Variants in CAB39 observed in about 807,000 individuals in gnomAD.
CAB39 encodes calcium-binding protein 39.
In CAB39, 8 loss-of-function variants were observed where a neutral mutation model predicts 40.0. The ratio of observed to expected loss-of-function variants is 0.20; its 90% CI spans 0.12 to 0.36. The LOEUF (loss-of-function observed/expected upper bound fraction) is 0.36, where lower values mean the gene tolerates loss of function less well. Among genes scored for constraint, CAB39 ranks in the 10% least tolerant of loss-of-function variants. CAB39 has a pLI of 1.00. For missense variants in CAB39, 270 were observed against 401.1 expected (o/e 0.67, Z 2.79); for synonymous variants, 156 against 141.6 (o/e 1.10, Z -0.72).
chr2:230,795,233 GC>G (rs1429277474), intron 4 of CAB39, among the ~76,000 whole-genome samples: 1 of 149,968 alleles, frequency 6.7e-6, no homozygotes, highest in Non-Finnish European at 1.5e-5. Flanking sequence ...CCGAGATTGC[GC>G]CACTGCACTT....
chr2:230,820,586 A>T lies in CAB39; in HGVS notation c.*1882A>T, dbSNP rs1243985354. 6.6e-6 allele frequency: 1 copy of T among 152,506 alleles called. No homozygotes were observed. The highest frequency in any genetic ancestry group is 1.9e-4 in the East Asian group (1 of 5,204). The allele number at this position is 152,506 out of a possible 1,614,324, so 9.4% of individuals were successfully genotyped here. A position where few individuals can be genotyped will look rare whatever the true frequency, so the allele number is the denominator to read the frequency against. On this transcript the variant is annotated 3_prime_UTR_variant, in exon 9 of 9. Transcript: ENST00000258418. ...TGGAGTTAGTGTAAAAACATGGATT[A>T]CACCAAGTGGAAGAAACGTCTTCTT... is the stretch of plus-strand genomic sequence containing the variant.
intron 3 of CAB39, among the ~76,000 whole-genome samples, chr2:230,792,292 G>A (rs1695905660): frequency 6.6e-6 from 1 of 152,154 alleles, no homozygotes; most frequent in Admixed American, 6.5e-5. Flanking sequence ...CACCCGACCT[G>A]GACACTGAAT....
At chr2:230,791,563 A>G (rs1364781454) in intron 3 of CAB39, among the ~76,000 whole-genome samples, 1 of 152,226 alleles carries the variant, frequency 6.6e-6, no homozygotes, top group Non-Finnish European at 1.5e-5. Flanking sequence ...ACATTTATAC[A>G]CGGTCTGAAT....
intron 6 of CAB39, among the ~76,000 whole-genome samples, chr2:230,811,356 C>T (rs764623475): frequency 9.2e-5 from 14 of 152,108 alleles, no homozygotes; most frequent in Non-Finnish European, 1.5e-4. Context: ...AAGAACATAA[C>T]ACAACACTGA....
intron 2 of CAB39, among the ~76,000 whole-genome samples, chr2:230,783,004 G>GTTTTTGTTTTTC (rs1455303091): frequency 1.1e-4 from 16 of 151,346 alleles, no homozygotes; most frequent in African/African-American, 3.4e-4. Flanking sequence ...TTTTGTTTTT[G>GTTTTTGTTTTTC]TTTTTAGTAG....
chr2:230,716,490 AT>A (rs1694352231), intron 1 of CAB39, among the ~76,000 whole-genome samples: 1 of 152,210 alleles, frequency 6.6e-6, no homozygotes. Context: ...AGTAGGACGA[AT>A]TTTGTTTCAG....
At chr2:230,762,038 G>A (rs2124921645) in intron 2 of CAB39, among the ~76,000 whole-genome samples, 1 of 152,146 alleles carries the variant, frequency 6.6e-6, no homozygotes, top group Non-Finnish European at 1.5e-5. Flanking sequence ...CTCCAGAGTA[G>A]CTGGGACTAC....
At chr2:230,802,332 C>G (rs997355027) in intron 5 of CAB39, among the ~76,000 whole-genome samples, 1 of 151,878 alleles carries the variant, frequency 6.6e-6, no homozygotes, top group African/African-American at 2.4e-5. Context: ...AAATTGACAC[C>G]CAAATATCAC....
intron 1 of CAB39, chr2:230,725,325 C>G (rs1694544742): frequency 6.3e-7 from 1 of 1,576,678 alleles, no homozygotes; most frequent in South Asian, 1.1e-5. Flanking sequence ...AGGACTTCAC[C>G]AATCCCAGCC....
chr2:230,804,495 A>G (rs1696153880), intron 5 of CAB39, among the ~76,000 whole-genome samples: 1 of 152,252 alleles, frequency 6.6e-6, no homozygotes, highest in Admixed American at 6.5e-5. Context: ...CAATCTACCC[A>G]TCTGACAAAG....
At chr2:230,739,392 A>G (rs559097025) in intron 1 of CAB39, among the ~76,000 whole-genome samples, 1 of 152,382 alleles carries the variant, frequency 6.6e-6, no homozygotes, top group South Asian at 2.1e-4. Flanking sequence ...AAAACTAAAG[A>G]TGGCAGATCT....
At chr2:230,726,117 TA>T (rs1389190099) in intron 1 of CAB39, among the ~76,000 whole-genome samples, 1 of 152,190 alleles carries the variant, frequency 6.6e-6, no homozygotes, top group African/African-American at 2.4e-5. Context: ...TAAATTGGAA[TA>T]TTTTCTAGGA....
chr2:230,812,899 A>G (rs1014548898), intron 6 of CAB39, among the ~76,000 whole-genome samples: 1 of 152,232 alleles, frequency 6.6e-6, no homozygotes, highest in African/African-American at 2.4e-5. Flanking sequence ...ACAAACGAGC[A>G]TGGGATGTGT....
intron 2 of CAB39, among the ~76,000 whole-genome samples, chr2:230,778,198 G>A (rs1257118671): frequency 1.3e-5 from 2 of 152,124 alleles, no homozygotes; most frequent in Admixed American, 6.5e-5. Flanking sequence ...TAAAAATTGG[G>A]GACAGTGAAG....
chr2:230,772,685 C>G (rs1334381391), intron 2 of CAB39, among the ~76,000 whole-genome samples: 1 of 151,916 alleles, frequency 6.6e-6, no homozygotes, highest in Admixed American at 6.6e-5. Flanking sequence ...CGGGGTTTCA[C>G]CGTGTTAGCC....
At chr2:230,724,324 A>G (rs1694513868) in intron 1 of CAB39, among the ~76,000 whole-genome samples, 2 of 152,106 alleles carry the variant, frequency 1.3e-5, no homozygotes, top group Admixed American at 1.3e-4. Flanking sequence ...GTAAAAAGTA[A>G]ATAATTGCTA....
At chr2:230,776,929 C>T (rs1008453912) in intron 2 of CAB39, among the ~76,000 whole-genome samples, 2 of 152,092 alleles carry the variant, frequency 1.3e-5, no homozygotes, top group South Asian at 2.1e-4. Flanking sequence ...CCTCATGATC[C>T]GCCCGCCTCA....
chr2:230,794,680 C>T (rs75224085), intron 4 of CAB39, among the ~76,000 whole-genome samples: 2,035 of 152,236 alleles, frequency 0.013, 94 homozygotes, highest in East Asian at 0.091. Flanking sequence ...GTGGGCCCAC[C>T]GGAAGCCCCG....
chr2:230,741,271 A>G (rs1011371907), intron 1 of CAB39, among the ~76,000 whole-genome samples: 3 of 152,232 alleles, frequency 2.0e-5, no homozygotes, highest in Non-Finnish European at 2.9e-5. Context: ...ACATATTAAC[A>G]TGTCTTATTA....
Sources: allele counts gnomAD v4.1 joint callset (sites outside exome capture counted in the v4.1 genomes callset), GRCh38; gene constraint gnomAD v4.1.1; transcripts MANE v1.5; gene names NCBI Gene and HGNC (gene_info 2026-07-23, HGNC 2026-07-21).